Variants in CACNB2 observed in about 807,000 individuals in gnomAD.
CACNB2 encodes calcium voltage-gated channel auxiliary subunit beta 2, also known as voltage-dependent L-type calcium channel subunit beta-2.
CACNB2 carries 42 observed loss-of-function variants against 73.3 expected under a neutral mutation model. The observed-to-expected ratio is 0.57, with a 90% confidence interval of 0.45 to 0.74. The LOEUF (loss-of-function observed/expected upper bound fraction) is 0.74, where lower values mean the gene tolerates loss of function less well. Ranked by LOEUF, CACNB2 falls within the 30% of genes least tolerant of loss-of-function variation. The pLI is 0.00. For missense variants in CACNB2, 940 were observed against 853.0 expected (o/e 1.10, Z -1.27); for synonymous variants, 348 against 310.3 (o/e 1.12, Z -1.28).
At chr10:18,243,312 G>T (rs979294111) in intron 2 of CACNB2, among the ~76,000 whole-genome samples, 1 of 152,028 alleles carries the variant, frequency 6.6e-6, no homozygotes, top group African/African-American at 2.4e-5. Flanking sequence ...GGGAAATAAA[G>T]GTGATTCATA....
chr10:18,218,697 G>A (rs891395319), intron 2 of CACNB2, among the ~76,000 whole-genome samples: 16 of 151,998 alleles, frequency 1.1e-4, no homozygotes, highest in Non-Finnish European at 1.9e-4. Context: ...GTGAAACCCC[G>A]TCTCTACTAA....
At chr10:18,236,847 C>T (rs140945231) in intron 2 of CACNB2, among the ~76,000 whole-genome samples, 3 of 152,214 alleles carry the variant, frequency 2.0e-5, no homozygotes, top group East Asian at 3.9e-4. Flanking sequence ...AGCCTCCTCT[C>T]GGCTAAGGAT....
intron 2 of CACNB2, among the ~76,000 whole-genome samples, chr10:18,236,801 A>G (rs1365018105): frequency 7.0e-6 from 1 of 142,318 alleles, no homozygotes; most frequent in Non-Finnish European, 1.6e-5. Context: ...GGATCTCCCT[A>G]CCCCCACCCT....
At position 18,402,036 on chromosome 10, in the gene CACNB2, A is replaced by G. The variant is rs754070618; in HGVS notation, c.326A>G (p.Lys109Arg). 2 of 1,613,838 alleles carry G rather than the reference A, an allele frequency of 1.2e-6. No homozygotes were observed. The highest frequency in any genetic ancestry group is 1.7e-6 in the Non-Finnish European group (2 of 1,179,952). The change falls in exon 3 of 14, where the codon AAA becomes AGA. Residue 109 changes from lysine (K) to arginine (R), a missense_variant. By Grantham distance (26) the Lys-to-Arg change is conservative (BLOSUM62 2). Coordinates refer to ENST00000324631, the MANE Select transcript of CACNB2 (RefSeq NM_201596.3). ...CGGCAGGCCCAGGCACAGTTGGAAAAAGCAAAGGTAAAATCGTTTCCTCCC... is the reference window on the plus strand; with the variant it reads ...CGGCAGGCCCAGGCACAGTTGGAAAGAGCAAAGGTAAAATCGTTTCCTCCC... ...AERQAQAQLE[K>R]AKTKPVAFAV...
At chr10:18,449,075 C>T (rs1051898551) in intron 3 of CACNB2, among the ~76,000 whole-genome samples, 2 of 152,074 alleles carry the variant, frequency 1.3e-5, no homozygotes, top group Non-Finnish European at 2.9e-5. Flanking sequence ...GAGCCCCTAC[C>T]AAATTCCTTA....
At chr10:18,391,925 C>CAAAA (rs34698093) in intron 2 of CACNB2, among the ~76,000 whole-genome samples, 22 of 84,446 alleles carry the variant, frequency 2.6e-4, no homozygotes, top group South Asian at 1.5e-3. Flanking sequence ...AAGACCCTGT[C>CAAAA]AAAAAAAAAA....
chr10:18,517,768 A>G (rs1179947106), intron 7 of CACNB2, among the ~76,000 whole-genome samples: 2 of 152,218 alleles, frequency 1.3e-5, no homozygotes, highest in Non-Finnish European at 2.9e-5. Context: ...AACTCTCACA[A>G]TAATATAGAA....
chr10:18,508,434 C>A (rs2050602199), intron 6 of CACNB2, among the ~76,000 whole-genome samples: 1 of 152,082 alleles, frequency 6.6e-6, no homozygotes, highest in Admixed American at 6.6e-5. Flanking sequence ...GCAGGGATTC[C>A]TATATAAACC....
chr10:18,276,556 C>T (rs2038296179), intron 2 of CACNB2, among the ~76,000 whole-genome samples: 1 of 151,846 alleles, frequency 6.6e-6, no homozygotes, highest in South Asian at 2.1e-4. Context: ...CTCTGTAATC[C>T]CAGAGCTTTG....
chr10:18,220,239 A>AGTTGGG (rs1291259522), intron 2 of CACNB2, among the ~76,000 whole-genome samples: 1,217 of 69,438 alleles, frequency 0.018, 88 homozygotes, highest in East Asian at 0.14. Context: ...ATATAGAGAG[A>AGTTGGG]GAGAGAGAGA....
chr10:18,417,243 A>C (rs1293941576), intron 3 of CACNB2, among the ~76,000 whole-genome samples: 9 of 151,980 alleles, frequency 5.9e-5, no homozygotes, highest in Admixed American at 5.2e-4. Flanking sequence ...ACAAGCAAAA[A>C]ACTCACCTTT....
intron 1 of CACNB2, among the ~76,000 whole-genome samples, chr10:18,147,276 T>C (rs1304627273): frequency 2.0e-5 from 3 of 152,244 alleles, no homozygotes; most frequent in Non-Finnish European, 4.4e-5. Flanking sequence ...GAATGTCTTT[T>C]TAATAAGTCA....
rs190917626 is a variant in CACNB2, at chr10:18,465,058, G to A, written c.334-33297G>A. On this transcript the variant is annotated intron_variant, in intron 3 of 13. Transcript: ENST00000324631. ...TAGAAAACTAGAAACAGCCGGGCAT[G>A]GTGGCTCACGCCTGTAATCCCAGCA... Among the ~76,000 whole-genome samples the A allele has an allele frequency of 7.9e-5, 12 of 152,286 alleles. No homozygotes were observed. In the East Asian group the frequency reaches 2.1e-3, roughly 27 times the overall value.
rs772732675 is a variant in CACNB2 at position 18,152,709 on chromosome 10, C to CAAAAAAAAAAAAAAA, written c.213+1743_213+1757dup. Among the ~76,000 whole-genome samples the CAAAAAAAAAAAAAAA allele has an allele frequency of 8.9e-4, 44 of 49,314 alleles. 1 individual carries two copies. The highest frequency in any genetic ancestry group is 1.3e-3 in the Non-Finnish European group (35 of 26,990). 32.4% of individuals were successfully genotyped at this position (49,314 alleles called of 152,430 possible). A position where few individuals can be genotyped will look rare whatever the true frequency, so the allele number is the denominator to read the frequency against. ...TCATCATGCAGGACCTGAAACAGAC[C>CAAAAAAAAAAAAAAA]AAAAAAAAAAAAAAAAAAAAAAACA... On this transcript the variant is annotated intron_variant, in intron 2 of 13. Transcript: ENST00000324631.
At chr10:18,151,028 T>G (rs1172221417) in intron 2 of CACNB2, 53 bp downstream of exon 2, 16 of 1,132,480 alleles carry the variant, frequency 1.4e-5, no homozygotes, top group Non-Finnish European at 2.0e-5. Flanking sequence ...GACTTTAGAT[T>G]TTTAAAGGTG....
chr10:18,154,503 T>A (rs10828275), intron 2 of CACNB2, among the ~76,000 whole-genome samples: 30,620 of 151,924 alleles, frequency 0.2, 3,325 homozygotes, highest in African/African-American at 0.28. Context: ...AGTCTCACTC[T>A]GTCGCCCAGG....
intron 2 of CACNB2, among the ~76,000 whole-genome samples, chr10:18,230,683 C>T (rs1277744): frequency 0.87 from 131,925 of 152,180 alleles, 57,663 homozygotes; most frequent in African/African-American, 0.97. Flanking sequence ...ATTTAGAAAT[C>T]AGACAGAGTA....
At chr10:18,525,939 TA>T (rs1342486405) in intron 9 of CACNB2, among the ~76,000 whole-genome samples, 1 of 152,240 alleles carries the variant, frequency 6.6e-6, no homozygotes, top group Non-Finnish European at 1.5e-5. Context: ...GTCTCATAGA[TA>T]AAACCATCTT....
intron 2 of CACNB2, among the ~76,000 whole-genome samples, chr10:18,377,630 A>G (rs2042853876): frequency 6.6e-6 from 1 of 152,216 alleles, no homozygotes; most frequent in South Asian, 2.1e-4. Flanking sequence ...TGTGGACATC[A>G]TTCTTAGCTC....
Sources: allele counts gnomAD v4.1 joint callset (sites outside exome capture counted in the v4.1 genomes callset), GRCh38; gene constraint gnomAD v4.1.1; transcripts MANE v1.5; gene names NCBI Gene and HGNC (gene_info 2026-07-23, HGNC 2026-07-21).